Variants in ITPR1 observed in about 807,000 individuals in gnomAD.
ITPR1 encodes inositol 1,4,5-trisphosphate receptor type 1.
A neutral mutation model predicts 318.4 loss-of-function variants in ITPR1; 96 were observed. That is an observed-to-expected ratio of 0.30 (90% CI 0.26 to 0.36). The LOEUF (loss-of-function observed/expected upper bound fraction) is 0.36, where lower values mean the gene tolerates loss of function less well. Among genes scored for constraint, ITPR1 ranks in the 10% least tolerant of loss-of-function variants. ITPR1 has a pLI of 1.00. For missense variants in ITPR1, 2,440 were observed against 3,460.2 expected, an observed-to-expected ratio of 0.71 and a Z score of 7.40; for synonymous variants, 1,312 against 1,289.9, an observed-to-expected ratio of 1.02 and a Z score of -0.37.
At chr3:4,592,232 G>A (rs879404353) in intron 4 of ITPR1, among the ~76,000 whole-genome samples, 10 of 152,172 alleles carry the variant, frequency 6.6e-5, no homozygotes, top group Admixed American at 2.0e-4. Flanking sequence ...ATTCAGGTGC[G>A]AGATTCAGTC....
intron 10 of ITPR1, 93 bp downstream of exon 10, chr3:4,645,821 T>C: frequency 5.3e-6 from 6 of 1,139,344 alleles, no homozygotes; most frequent in Non-Finnish European, 7.7e-6. Context: ...TATTCATACA[T>C]ACATATACCT....
intron 46 of ITPR1, among the ~76,000 whole-genome samples, chr3:4,773,170 G>A (rs771814986): frequency 1.1e-4 from 16 of 152,164 alleles, no homozygotes; most frequent in Non-Finnish European, 1.9e-4. Flanking sequence ...ACTGGAGTAG[G>A]GCTCAGGGGT....
chr3:4,637,919 C>G (rs574855916), intron 5 of ITPR1, among the ~76,000 whole-genome samples: 17 of 152,038 alleles, frequency 1.1e-4, no homozygotes, highest in Non-Finnish European at 2.4e-4. Flanking sequence ...TAGAAAGTAG[C>G]GTATAATAAT....
intron 60 of ITPR1, among the ~76,000 whole-genome samples, chr3:4,822,517 ACAGATACTTGTGAGTTCTATC>A (rs1394016916): frequency 1.3e-5 from 2 of 152,190 alleles, no homozygotes; most frequent in African/African-American, 4.8e-5. Flanking sequence ...TGAATTGGTC[ACAGATACTTGTGAGTTCTATC>A]CATGTCTTTA....
intron 5 of ITPR1, among the ~76,000 whole-genome samples, chr3:4,636,210 T>G (rs902665898): frequency 6.6e-6 from 1 of 152,152 alleles, no homozygotes; most frequent in Non-Finnish European, 1.5e-5. Flanking sequence ...GAATTAAATT[T>G]GATATTTGTG....
Position 4,710,260 on chromosome 3 carries a change from T to A in ITPR1, c.4843-65T>A. 7.1e-7 allele frequency: 1 copy of A among 1,406,696 alleles called. No individual in the cohort carries two copies. The highest frequency in any genetic ancestry group is 9.4e-7 in the Non-Finnish European group (1 of 1,067,026). The allele number at this position is 1,406,696 out of a possible 1,614,324, so 87.1% of individuals were successfully genotyped here. A position where few individuals can be genotyped will look rare whatever the true frequency, so the allele number is the denominator to read the frequency against. ...ATCAGTGTTTTAGGGCAGAAATCAA[T>A]GTCCTCACCCTCCTGTGGTCAGCGT... is the stretch of plus-strand genomic sequence containing the variant. On this transcript the variant is annotated intron_variant, in intron 37 of 61. Coordinates refer to ENST00000649015, the MANE Select transcript of ITPR1 (RefSeq NM_001378452.1). This position sits in a 1 kb window ranked among gnomAD's most constrained non-coding sequence, Gnocchi z 4.2.
chr3:4,727,444 T>C (rs945349127), intron 42 of ITPR1, among the ~76,000 whole-genome samples: 14 of 152,352 alleles, frequency 9.2e-5, no homozygotes, highest in African/African-American at 3.4e-4. Context: ...GGTGGCTTTC[T>C]ATTTAGGTGA....
intron 4 of ITPR1, among the ~76,000 whole-genome samples, chr3:4,548,982 AC>A (rs1258109541): frequency 6.6e-6 from 1 of 152,184 alleles, no homozygotes; most frequent in African/African-American, 2.4e-5. Flanking sequence ...CCAAGGAGTC[AC>A]TTTTCGGGAG....
At chr3:4,824,379 G>A (rs950824650) in intron 60 of ITPR1, among the ~76,000 whole-genome samples, 26 of 152,156 alleles carry the variant, frequency 1.7e-4, no homozygotes, top group Non-Finnish European at 3.4e-4. Context: ...CAGGAAGGTC[G>A]AGCAACTTTT....
intron 44 of ITPR1, among the ~76,000 whole-genome samples, chr3:4,743,588 AATGTGCAT>A (rs1421516259): frequency 2.0e-5 from 3 of 152,118 alleles, no homozygotes; most frequent in African/African-American, 7.2e-5. Flanking sequence ...CCCAGGGGAG[AATGTGCAT>A]CCTGGTTCAT....
rs1320032663 is a variant in ITPR1 at position 4,493,360 on chromosome 3, T to C, written c.-338T>C. Reference sequence around the variant, plus strand: ...GCCGCTTTAAAGTGCAGTAACCATGTGGATGTGCTGCTGAAGCGTTTCCTC... The same window carrying C: ...GCCGCTTTAAAGTGCAGTAACCATGCGGATGTGCTGCTGAAGCGTTTCCTC... On this transcript the variant is annotated 5_prime_UTR_variant, in exon 1 of 62. Transcript: ENST00000649015. The C allele has an allele frequency of 6.5e-6, 1 of 153,848 alleles. No individual in the cohort carries two copies. Among genetic ancestry groups the C allele is most frequent in the Non-Finnish European group, 1.5e-5 (1 of 68,386 alleles). 9.5% of individuals were successfully genotyped at this position (153,848 alleles called of 1,614,324 possible).
chr3:4,731,456 G>A (rs1246326368), intron 42 of ITPR1, among the ~76,000 whole-genome samples: 1 of 152,204 alleles, frequency 6.6e-6, no homozygotes, highest in African/African-American at 2.4e-5. Context: ...TGGGAAATGA[G>A]TTTCATGAGC....
At chr3:4,649,353 T>A (rs2093541879) in intron 10 of ITPR1, among the ~76,000 whole-genome samples, 1 of 152,216 alleles carries the variant, frequency 6.6e-6, no homozygotes, top group Non-Finnish European at 1.5e-5. Flanking sequence ...TTAAAATGGA[T>A]TCTGGAAAGT....
intron 44 of ITPR1, chr3:4,749,678 A>G (rs2044358547): frequency 1.3e-5 from 2 of 152,322 alleles, no homozygotes; most frequent in Admixed American, 1.3e-4. Flanking sequence ...CATTGAATTC[A>G]CCAGCACCTG....
Position 4,823,850 on chromosome 3 carries a change from A to C in ITPR1, c.8028+5608A>C, listed in dbSNP as rs1426331444. Among the ~76,000 whole-genome samples the C allele has an allele frequency of 5.3e-5, 8 of 152,200 alleles. No individual in the cohort carries two copies. In the East Asian group the frequency reaches 1.5e-3, roughly 29 times the overall value. On this transcript the variant is annotated intron_variant, in intron 60 of 61. Transcript: ENST00000649015. The stretch of plus-strand genomic sequence containing the variant: ...ACTAGGCACTATATACATGTAACAC[A>C]ATTTCATATATACCCCATACATTTG...
intron 2 of ITPR1, among the ~76,000 whole-genome samples, chr3:4,501,283 A>G (rs1200208546): frequency 2.0e-5 from 3 of 152,142 alleles, no homozygotes; most frequent in African/African-American, 7.2e-5. Context: ...CACAATGAAC[A>G]TTGGGTTGTA....
In ITPR1 at chr3:4,735,801, T is replaced by C. The variant is rs2043226506; in HGVS notation, c.5544+447T>C. On this transcript the variant is annotated intron_variant, in intron 44 of 61. Coordinates refer to ENST00000649015, the MANE Select transcript of ITPR1 (RefSeq NM_001378452.1). ...CTATAGATACCACAGCTGTTGCTTC[T>C]GATAAATTTACCTACCTTTTAACTG... 2.0e-5 allele frequency among the ~76,000 whole-genome samples: 3 copies of C among 152,244 alleles called. No individual in the cohort carries two copies. In the South Asian group the frequency reaches 6.2e-4, roughly 32 times the overall value.
intron 56 of ITPR1, 48 bp downstream of exon 56, chr3:4,811,508 T>C (rs971356353): frequency 8.9e-6 from 13 of 1,468,764 alleles, no homozygotes; most frequent in Non-Finnish European, 1.2e-5. Context: ...GATTATTTCC[T>C]GATTATAACT....
Position 4,733,255 on chromosome 3 carries a change from A to G in ITPR1, c.5353+35A>G, listed in dbSNP as rs1018560916. The G allele has an allele frequency of 5.6e-6, 9 of 1,609,612 alleles. No individual in the cohort carries two copies. In the African/African-American group the frequency reaches 1.1e-4, roughly 19 times the overall value. ...GTGGTGTAATTACCTTCGTGTGTGA[A>G]TCAAGTGTGTTCTGTGATAGCTGCA... On this transcript the variant is annotated intron_variant, in intron 43 of 61. Transcript: ENST00000649015.
Sources: gnomAD v4.1 joint callset for allele counts (sites outside exome capture counted in the v4.1 genomes callset) on GRCh38, gnomAD v4.1.1 for gene constraint, Gnocchi (gnomAD v3.1) non-coding constraint, MANE v1.5 for transcripts, NCBI Gene and HGNC (gene_info 2026-07-23, HGNC 2026-07-21) for gene names.